The following PRDM2 variants were observed in gnomAD, a reference collection of about 807,000 sequenced individuals.
PRDM2 encodes the protein PR/SET domain 2.
In PRDM2, 30 loss-of-function variants were observed where a neutral mutation model predicts 130.0. The ratio of observed to expected loss-of-function variants is 0.23; its 90% CI spans 0.17 to 0.31. The LOEUF is 0.31. Among genes scored for constraint, PRDM2 ranks in the 10% least tolerant of loss-of-function variants. The probability of loss-of-function intolerance (pLI) is 1.00; values close to 1 mark genes in which losing one functional copy is unlikely to be tolerated. For missense variants in PRDM2, 2,011 were observed against 2,108.4 expected (o/e 0.95, Z 0.90); for synonymous variants, 871 against 782.4 (o/e 1.11, Z -1.89).
At chr1:13,730,946 C>T in intron 2 of PRDM2, 54 bp from the exon 3 acceptor site, 1 of 1,311,214 alleles carries the variant, frequency 7.6e-7, no homozygotes, top group Non-Finnish European at 1.0e-6. Context: ...AAAAAAAACC[C>T]ATGATTTGAG....
chr1:13,813,103 G>A (rs1361142121), intron 8 of PRDM2, among the ~76,000 whole-genome samples: 2 of 152,170 alleles, frequency 1.3e-5, no homozygotes, highest in Non-Finnish European at 2.9e-5. Flanking sequence ...ACACTGTGCT[G>A]ATACCTACTG....
At chr1:13,800,896 C>T (rs1644996789) in intron 8 of PRDM2, among the ~76,000 whole-genome samples, 1 of 152,124 alleles carries the variant, frequency 6.6e-6, no homozygotes, top group South Asian at 2.1e-4. Flanking sequence ...AATGCTTCCC[C>T]AGCTATACGA....
intron 2 of PRDM2, among the ~76,000 whole-genome samples, chr1:13,716,707 A>G (rs1642552549): frequency 6.6e-6 from 1 of 152,198 alleles, no homozygotes; most frequent in African/African-American, 2.4e-5. Context: ...ATCTAATAAT[A>G]TATTCTAGAG....
intron 1 of PRDM2, among the ~76,000 whole-genome samples, chr1:13,714,918 C>T (rs758968828): frequency 4.6e-5 from 7 of 152,158 alleles, no homozygotes; most frequent in Non-Finnish European, 7.3e-5. Flanking sequence ...GTATGTCATA[C>T]GCATTTACAA....
Position 13,780,525 on chromosome 1 carries a change from C to T in PRDM2, c.2730C>T (p.Thr910=), listed in dbSNP as rs377242007. The T allele has an allele frequency of 6.2e-7, 1 of 1,614,034 alleles. No homozygotes were observed. Among genetic ancestry groups the T allele is most frequent in the African/African-American group, 1.3e-5 (1 of 74,908 alleles). The change falls in exon 8 of 10, where the codon ACC becomes ACT. Residue 910 remains threonine (T), a synonymous_variant. Coordinates refer to ENST00000311066, the MANE Select transcript of PRDM2 (RefSeq NM_001393986.1). ...CTGTAGAAAACCCTGCAGATGGGACCAGGAGCCCAAGTCCTTGTAAATCCC... is the reference window on the plus strand; with the variant it reads ...CTGTAGAAAACCCTGCAGATGGGACTAGGAGCCCAAGTCCTTGTAAATCCC... ...DLPVENPADG[T]RSPSPCKSLE...
intron 1 of PRDM2, among the ~76,000 whole-genome samples, chr1:13,707,304 A>G (rs989096859): frequency 4.0e-5 from 6 of 151,526 alleles, no homozygotes; most frequent in South Asian, 2.1e-4. Flanking sequence ...GAAATTCACA[A>G]ATCTTTTGCA....
intron 6 of PRDM2, among the ~76,000 whole-genome samples, chr1:13,763,255 G>A (rs923338936): frequency 1.1e-4 from 16 of 152,152 alleles, no homozygotes; most frequent in Admixed American, 4.6e-4. Context: ...AACCAAGTGC[G>A]GTGAACAGGA....
At chr1:13,807,004 TCTC>T (rs1355946539) in intron 8 of PRDM2, among the ~76,000 whole-genome samples, 2 of 152,120 alleles carry the variant, frequency 1.3e-5, no homozygotes, top group Non-Finnish European at 2.9e-5. Context: ...TTCCCTGTCT[TCTC>T]CTCCACTCTG....
intron 8 of PRDM2, among the ~76,000 whole-genome samples, chr1:13,813,118 GC>G (rs1557677199): frequency 6.6e-6 from 1 of 152,184 alleles, no homozygotes; most frequent in African/African-American, 2.4e-5. Flanking sequence ...CTACTGGAGT[GC>G]CAGGATGCCC....
intron 8 of PRDM2, among the ~76,000 whole-genome samples, chr1:13,785,831 GTTC>G (rs1644722648): frequency 1.4e-5 from 2 of 143,720 alleles, no homozygotes. Flanking sequence ...GTGTTTTTGG[GTTC>G]TTTTTTTTTT....
chr1:13,795,634 T>C (rs1289744604), intron 8 of PRDM2, among the ~76,000 whole-genome samples: 1 of 152,136 alleles, frequency 6.6e-6, no homozygotes, highest in East Asian at 1.9e-4. Context: ...GTGTTGCGGG[T>C]GAATGGATGT....
At chr1:13,739,536 T>C (rs938102462) in intron 4 of PRDM2, among the ~76,000 whole-genome samples, 6 of 152,212 alleles carry the variant, frequency 3.9e-5, no homozygotes, top group African/African-American at 1.2e-4. Flanking sequence ...AATTAATCAT[T>C]TGCACCACAG....
intron 6 of PRDM2, among the ~76,000 whole-genome samples, chr1:13,765,162 T>C (rs1284897769): frequency 2.0e-5 from 3 of 152,206 alleles, no homozygotes; most frequent in Non-Finnish European, 4.4e-5. Context: ...GCATTTCTGG[T>C]TGAGGCACAC....
chr1:13,766,845 T>A (rs956435240), intron 6 of PRDM2, among the ~76,000 whole-genome samples: 2 of 152,244 alleles, frequency 1.3e-5, no homozygotes, highest in Non-Finnish European at 2.9e-5. Context: ...GAGCCTTCAC[T>A]GTTGTGATGA....
intron 1 of PRDM2, among the ~76,000 whole-genome samples, chr1:13,710,626 G>A (rs551399879): frequency 1.3e-5 from 2 of 152,266 alleles, no homozygotes; most frequent in African/African-American, 2.4e-5. Context: ...GGATATGTTA[G>A]ACTTATTCGA....
intron 2 of PRDM2, among the ~76,000 whole-genome samples, chr1:13,729,767 A>C (rs545912639): frequency 1.3e-5 from 2 of 152,206 alleles, no homozygotes; most frequent in South Asian, 4.1e-4. Flanking sequence ...ATGGAGGCTC[A>C]GTTGGCTCGG....
At chr1:13,783,136 A>G (rs533662435) in intron 8 of PRDM2, 5 of 567,038 alleles carry the variant, frequency 8.8e-6, no homozygotes, top group South Asian at 6.1e-5. Flanking sequence ...AATCCTCTCA[A>G]ACTTCCTTTA....
In PRDM2 at chr1:13,778,836, A is replaced by G. The variant is rs774281171; in HGVS notation, c.1041A>G (p.Lys347=). ...VTPAMQIPRT[K]EEANGDVFET... ...CTGCCATGCAAATCCCCAGAACTAA[A>G]GAAGAGGCCAATGGTGATGTATTTG... The change falls in exon 8 of 10, where the codon AAA becomes AAG. Residue 347 remains lysine (K), a synonymous_variant. Coordinates refer to ENST00000311066, the MANE Select transcript of PRDM2 (RefSeq NM_001393986.1). The G allele has an allele frequency of 4.3e-6, 7 of 1,614,158 alleles. No individual in the cohort carries two copies. The South Asian group carries it at 7.7e-5, about 18-fold the overall frequency.
chr1:13,768,862 A>G (rs1392450878), intron 6 of PRDM2, among the ~76,000 whole-genome samples: 1 of 152,206 alleles, frequency 6.6e-6, no homozygotes, highest in Non-Finnish European at 1.5e-5. Context: ...ATAAGGGCGC[A>G]CAGTACAGGC....
Sources: allele counts gnomAD v4.1 joint callset (sites outside exome capture counted in the v4.1 genomes callset), GRCh38; gene constraint gnomAD v4.1.1; transcripts MANE v1.5; gene names NCBI Gene and HGNC (gene_info 2026-07-23, HGNC 2026-07-21).